LIFR: variants seen among roughly 807,000 people sequenced by gnomAD.
LIFR encodes the protein LIF receptor subunit alpha.
Under a neutral mutation model 122.2 loss-of-function variants are expected in LIFR, and 84 were observed. That is an observed-to-expected ratio of 0.69 (90% CI 0.58 to 0.82). The LOEUF is 0.82. Ranked by LOEUF, LIFR falls within the 40% of genes least tolerant of loss-of-function variation. The pLI is 0.00. For missense variants in LIFR, 1,294 were observed against 1,311.6 expected, an observed-to-expected ratio of 0.99 and a Z score of 0.21; for synonymous variants, 422 against 434.7, an observed-to-expected ratio of 0.97 and a Z score of 0.36.
In LIFR at chr5:38,566,862, TAAAAA is replaced by T. The variant is rs1315125828; in HGVS notation, c.-20+28394_-20+28398del. ...ATTGGTAAGTGTTAAAAACCAATTC[TAAAAA>T]AAAAGAAGAAAATCCTTGATTTGTA... On this transcript the variant is annotated intron_variant, in intron 1 of 19. Coordinates refer to the LIFR transcript ENST00000263409. Among the ~76,000 whole-genome samples the T allele has an allele frequency of 4.6e-5, 7 of 151,248 alleles. No homozygotes were observed. The East Asian group carries it at 1.4e-3, about 29-fold the overall frequency.
In LIFR at chr5:38,507,237, AT is replaced by A. The variant is rs373551085; in HGVS notation, c.992-606del. Among the ~76,000 whole-genome samples the A allele has an allele frequency of 3.2e-3, 456 of 143,790 alleles. 1 individual carries two copies. Among genetic ancestry groups the A allele is most frequent in the Non-Finnish European group, 3.1e-3 (202 of 65,284 alleles). The allele number at this position is 143,790 out of a possible 152,430, so 94.3% of individuals were successfully genotyped here. A position where few individuals can be genotyped will look rare whatever the true frequency, so the allele number is the denominator to read the frequency against. On this transcript the variant is annotated intron_variant, in intron 7 of 19. Coordinates refer to ENST00000453190, the MANE Select transcript of LIFR (RefSeq NM_001127671.2). Reference sequence around the variant, plus strand: ...GGCAGGACTAGAAAAATTAAAAGAAATTTTTTTTTTTTTTTTAAGACGAGAC... The same window carrying A: ...GGCAGGACTAGAAAAATTAAAAGAAATTTTTTTTTTTTTTTAAGACGAGAC...
intron 2 of LIFR, among the ~76,000 whole-genome samples, chr5:38,602,445 AG>A (rs1269213562): frequency 1.3e-5 from 2 of 151,984 alleles, no homozygotes; most frequent in Non-Finnish European, 2.9e-5. Context: ...TGGTGGATTA[AG>A]TCGTTCAAGC....
intron 13 of LIFR, among the ~76,000 whole-genome samples, chr5:38,494,148 T>C (rs747822389): frequency 3.9e-5 from 6 of 152,104 alleles, no homozygotes; most frequent in Non-Finnish European, 7.4e-5. Flanking sequence ...GAGGGGACAG[T>C]GGACAGTCTG....
chr5:38,499,633 T>C lies in LIFR; in HGVS notation c.1601-50A>G, dbSNP rs749307840. On this transcript the variant is annotated intron_variant, in intron 11 of 19. Transcript: ENST00000453190. ...TATCTGAAGACACATACTATATGTA[T>C]ATGGTGCTTGGCATTTTTTTTCTAG... The C allele has an allele frequency of 3.1e-6, 4 of 1,275,140 alleles. No individual in the cohort carries two copies. The South Asian group carries it at 3.6e-5, about 11-fold the overall frequency. The allele number at this position is 1,275,140 out of a possible 1,614,324, so 79.0% of individuals were successfully genotyped here. A position where few individuals can be genotyped will look rare whatever the true frequency, so the allele number is the denominator to read the frequency against.
At chr5:38,498,783 T>TA (rs1745021700) in intron 12 of LIFR, among the ~76,000 whole-genome samples, 1 of 152,314 alleles carries the variant, frequency 6.6e-6, no homozygotes, top group African/African-American at 2.4e-5. Flanking sequence ...AGAGTGGATG[T>TA]AACAGTCAAA....
chr5:38,597,798 TATTTC>T (rs1266663305), upstream of LIFR, among the ~76,000 whole-genome samples: 1 of 152,144 alleles, frequency 6.6e-6, no homozygotes, highest in Non-Finnish European at 1.5e-5. Context: ...AAGGGGCAAG[TATTTC>T]ATGGGCTTAG....
chr5:38,597,075 C>T (rs537587495), upstream of LIFR, among the ~76,000 whole-genome samples: 19 of 152,210 alleles, frequency 1.2e-4, no homozygotes, highest in Non-Finnish European at 2.4e-4. Flanking sequence ...CAAAGGGAGC[C>T]ATTTATTGAA....
upstream of LIFR, among the ~76,000 whole-genome samples, chr5:38,598,723 G>A (rs534552752): frequency 6.6e-6 from 1 of 152,058 alleles, no homozygotes; most frequent in South Asian, 2.1e-4. Flanking sequence ...TCAACACTGG[G>A]CTGCTTACCC....
chr5:38,492,209 C>T (rs779191359), intron 14 of LIFR, among the ~76,000 whole-genome samples: 18 of 152,162 alleles, frequency 1.2e-4, no homozygotes, highest in Non-Finnish European at 2.4e-4. Flanking sequence ...GGAAAAGGCA[C>T]CTAACTTCTC....
chr5:38,477,198 G>T lies in LIFR; in HGVS notation c.*4397C>A. ...AAATCTAACCACCATAGCAAAATAAGGGGTTTAAGTATTATTAATAGCCCT... is the reference window on the plus strand; with the variant it reads ...AAATCTAACCACCATAGCAAAATAATGGGTTTAAGTATTATTAATAGCCCT... On this transcript the variant is annotated 3_prime_UTR_variant, in exon 20 of 20. Coordinates refer to ENST00000453190, the MANE Select transcript of LIFR (RefSeq NM_001127671.2). 4.5e-6 allele frequency: 1 copy of T among 221,474 alleles called. No homozygotes were observed. Among genetic ancestry groups the T allele is most frequent in the Non-Finnish European group, 9.0e-6 (1 of 110,750 alleles). 13.7% of individuals were successfully genotyped at this position (221,474 alleles called of 1,614,324 possible). A position where few individuals can be genotyped will look rare whatever the true frequency, so the allele number is the denominator to read the frequency against.
At chr5:38,602,884 C>T (rs1485256611) in intron 2 of LIFR, among the ~76,000 whole-genome samples, 1 of 152,138 alleles carries the variant, frequency 6.6e-6, no homozygotes, top group African/African-American at 2.4e-5. Context: ...ATGCAGACAC[C>T]TGGGAAAAAC....
In LIFR at chr5:38,493,728, T is replaced by C. The variant is rs1744723905; in HGVS notation, c.1943A>G (p.His648Arg). The change falls in exon 14 of 20, where the codon CAT (histidine) becomes CGT (arginine). Residue 648 changes from histidine (H) to arginine (R), a missense_variant. Transcript: ENST00000453190. ...GTCGCAAGTCATGTTGGGGTCGTAATGCCAGGTGAGGAGAATCCCCTTTCC... is the reference window on the plus strand; with the variant it reads ...GTCGCAAGTCATGTTGGGGTCGTAACGCCAGGTGAGGAGAATCCCCTTTCC... The part of the protein sequence containing the change: ...GMGKGILLTW[H>R]YDPNMTCDYV... 1.2e-6 allele frequency: 2 copies of C among 1,614,076 alleles called. No individual in the cohort carries two copies. Among genetic ancestry groups the C allele is most frequent in the African/African-American group, 2.7e-5 (2 of 74,936 alleles).
chr5:38,597,701 C>G (rs1750134563), upstream of LIFR, among the ~76,000 whole-genome samples: 1 of 152,224 alleles, frequency 6.6e-6, no homozygotes, highest in Non-Finnish European at 1.5e-5. Context: ...GGTTGAGAAC[C>G]CCTGTGCTGG....
chr5:38,531,772 T>A (rs1426192131), intron 1 of LIFR, among the ~76,000 whole-genome samples: 1 of 152,140 alleles, frequency 6.6e-6, no homozygotes, highest in Non-Finnish European at 1.5e-5. Context: ...ATTGAGAGAA[T>A]TCGAAAAAAT....
chr5:38,587,290 A>G (rs1749781004), intron 1 of LIFR, among the ~76,000 whole-genome samples: 2 of 152,164 alleles, frequency 1.3e-5, no homozygotes, highest in African/African-American at 4.8e-5. Context: ...GTCCTAACCT[A>G]GACAGGGATG....
At chr5:38,508,495 C>T (rs1032854457) in intron 7 of LIFR, among the ~76,000 whole-genome samples, 1 of 152,062 alleles carries the variant, frequency 6.6e-6, no homozygotes, top group Non-Finnish European at 1.5e-5. Flanking sequence ...CCAATCAAAA[C>T]GCCAGCAGGT....
intron 1 of LIFR, among the ~76,000 whole-genome samples, chr5:38,544,936 G>T (rs1747792728): frequency 6.6e-6 from 1 of 152,176 alleles, no homozygotes; most frequent in African/African-American, 2.4e-5. Flanking sequence ...AATCTAGTGT[G>T]CAGTTATGCA....
At chr5:38,590,620 G>A (rs866223508) in intron 1 of LIFR, among the ~76,000 whole-genome samples, 9 of 152,182 alleles carry the variant, frequency 5.9e-5, no homozygotes, top group African/African-American at 1.4e-4. Context: ...CATGTCCACC[G>A]CCACCATCAT....
intron 2 of LIFR, among the ~76,000 whole-genome samples, chr5:38,604,833 A>G (rs1750293962): frequency 6.6e-6 from 1 of 152,144 alleles, no homozygotes; most frequent in African/African-American, 2.4e-5. Context: ...CATTTTAGGG[A>G]GACAGGAGAC....
Sources: gnomAD v4.1 joint callset for allele counts (sites outside exome capture counted in the v4.1 genomes callset) on GRCh38, gnomAD v4.1.1 for gene constraint, MANE v1.5 for transcripts, NCBI Gene and HGNC (gene_info 2026-07-23, HGNC 2026-07-21) for gene names.